Variants in EPRS1 observed in about 807,000 individuals in gnomAD.
EPRS1 encodes bifunctional glutamate/proline--tRNA ligase.
In EPRS1, 107 loss-of-function variants were observed where a neutral mutation model predicts 188.3. The ratio of observed to expected loss-of-function variants is 0.57; its 90% CI spans 0.49 to 0.67. The LOEUF (loss-of-function observed/expected upper bound fraction) is 0.67, where lower values mean the gene tolerates loss of function less well. Among genes scored for constraint, EPRS1 ranks in the 30% least tolerant of loss-of-function variants. EPRS1 has a pLI of 0.00. For synonymous variants in EPRS1, 596 were observed against 593.1 expected (o/e 1.00, Z -0.07); for missense variants, 1,577 against 1,802.2 (o/e 0.88, Z 2.26).
At chr1:219,984,313 G>A (rs377070399) in intron 20 of EPRS1, 56 bp from the exon 21 acceptor site, 1 of 1,246,714 alleles carries the variant, frequency 8.0e-7, no homozygotes. Flanking sequence ...GCTTTAGGTT[G>A]AATAAAAATA....
chr1:219,983,893 CAAAAA>C (rs397863625), intron 21 of EPRS1, among the ~76,000 whole-genome samples: 1 of 118,242 alleles, frequency 8.5e-6, no homozygotes, highest in Non-Finnish European at 1.8e-5. Context: ...ACTCCCGTCT[CAAAAA>C]AAAAAAAAAA....
rs769693803 is a variant in EPRS1, at chr1:220,040,228, T to C, written c.88A>G (p.Ile30Val). The change falls in exon 2 of 32, where the codon ATT (isoleucine) becomes GTT (valine). Residue 30 changes from isoleucine (I) to valine (V), a missense_variant. Ile to Val is a conservative substitution (Grantham distance 29, BLOSUM62 3). Coordinates refer to ENST00000366923, the MANE Select transcript of EPRS1 (RefSeq NM_004446.3). ...AVEHVKDDVS[I>V]SVEEGKENIL... ...TTCTCTTTCCCTTCTTCAACGGAAA[T>C]GCTGACATCGTCTTTCACGTGTTCT... The C allele has an allele frequency of 6.8e-6, 11 of 1,610,724 alleles. No individual in the cohort carries two copies. In the African/African-American group the frequency reaches 1.3e-4, roughly 20 times the overall value.
intron 16 of EPRS1, among the ~76,000 whole-genome samples, chr1:220,004,459 A>G (rs1039372276): frequency 6.6e-6 from 1 of 152,212 alleles, no homozygotes; most frequent in African/African-American, 2.4e-5. Flanking sequence ...GATACCTGAG[A>G]GCCTGTTTTG....
chr1:220,041,329 CAAA>C (rs767205899), intron 1 of EPRS1, among the ~76,000 whole-genome samples: 2 of 129,092 alleles, frequency 1.5e-5, no homozygotes, highest in African/African-American at 2.8e-5. Flanking sequence ...GAAACTGTCT[CAAA>C]AAAAAAAAAA....
At chr1:219,983,125 T>C in intron 22 of EPRS1, 64 bp downstream of exon 22, 2 of 1,367,758 alleles carry the variant, frequency 1.5e-6, no homozygotes, top group Admixed American at 2.2e-5. Context: ...TTGTTAAAAG[T>C]TGAAAATATA....
chr1:219,988,609 T>G lies in EPRS1; in HGVS notation c.2756A>C (p.Lys919Thr), dbSNP rs1273068703. ...ASQGEVVRKLKTEKAPKDQVD... is the reference protein window; with the variant it reads ...ASQGEVVRKLTTEKAPKDQVD... ...ACTAACCTTAGGGGCTTTTTCAGTT[T>G]TAAGTTTCCGAACTACTTCCCCTTG... Residue 919 changes from lysine to threonine, a missense_variant, in exon 19 of 32, where the codon AAA (lysine) becomes ACA (threonine). Around this residue, in one of 3 missense-constraint regions of EPRS1, gnomAD observed 1,278 missense variants for 1,457.4 expected, o/e 0.88. Coordinates refer to ENST00000366923, the MANE Select transcript of EPRS1 (RefSeq NM_004446.3). 2 of 1,612,928 alleles carry G rather than the reference T, an allele frequency of 1.2e-6. No homozygotes were observed. Among genetic ancestry groups the G allele is most frequent in the Non-Finnish European group, 1.7e-6 (2 of 1,179,042 alleles).
rs567407362 is a variant in EPRS1, at chr1:219,980,342, T to C, written c.3556-102A>G. Reference sequence around the variant, plus strand: ...AAGACTAATTGTGTGGGAAAAGCAATCTGAACAATAAAAACCTCTTTTTAT... The same window carrying C: ...AAGACTAATTGTGTGGGAAAAGCAACCTGAACAATAAAAACCTCTTTTTAT... On this transcript the variant is annotated intron_variant, in intron 25 of 31. Transcript: ENST00000366923. 4.7e-6 allele frequency: 4 copies of C among 852,082 alleles called. No homozygotes were observed. The South Asian group carries it at 5.6e-5, about 12-fold the overall frequency. The allele number at this position is 852,082 out of a possible 1,614,324, so 52.8% of individuals were successfully genotyped here.
At chr1:220,041,980 A>G (rs923549008) in intron 1 of EPRS1, among the ~76,000 whole-genome samples, 1 of 152,118 alleles carries the variant, frequency 6.6e-6, no homozygotes, top group African/African-American at 2.4e-5. Context: ...ACTCAAAGAT[A>G]GAGAACATAT....
At chr1:220,035,586 T>C (rs529935908) in intron 2 of EPRS1, among the ~76,000 whole-genome samples, 2 of 152,184 alleles carry the variant, frequency 1.3e-5, no homozygotes, top group South Asian at 4.2e-4. Context: ...CCCAGTACTT[T>C]GGGAGGCCAA....
At chr1:219,984,953 T>C (rs958659138) in intron 20 of EPRS1, among the ~76,000 whole-genome samples, 4 of 149,652 alleles carry the variant, frequency 2.7e-5, no homozygotes, top group East Asian at 2.0e-4. Context: ...GGCAGGAGAA[T>C]GAATCGCTTG....
At chr1:219,999,233 A>G (rs903127698) in intron 17 of EPRS1, among the ~76,000 whole-genome samples, 11 of 152,200 alleles carry the variant, frequency 7.2e-5, no homozygotes, top group Non-Finnish European at 1.5e-4. Context: ...AAGCATTATT[A>G]TCCTTCAGGT....
chr1:220,009,912 C>T (rs112700133), intron 13 of EPRS1, among the ~76,000 whole-genome samples: 1,937 of 151,974 alleles, frequency 0.013, 22 homozygotes, highest in Non-Finnish European at 0.019. Context: ...TGGCCGCCAA[C>T]ATGGCAAAAC....
At chr1:220,013,416 T>G (rs1304878913) in intron 12 of EPRS1, among the ~76,000 whole-genome samples, 1 of 152,208 alleles carries the variant, frequency 6.6e-6, no homozygotes, top group Non-Finnish European at 1.5e-5. Flanking sequence ...ATTTCTCCCT[T>G]CTTTTCTTTA....
At position 219,978,659 on chromosome 1, in the gene EPRS1, T is replaced by C. The variant is rs145319165; in HGVS notation, c.3970A>G (p.Ile1324Val). ...ALSEEDKEAL[I>V]AKCNDYRRRL... is the part of the protein sequence containing the mutation. ...CTTCGATAATCATTGCATTTTGCAATCAGCGCTTCTTTGTCTTCTTCAGAA... is the reference window on the plus strand; with the variant it reads ...CTTCGATAATCATTGCATTTTGCAACCAGCGCTTCTTTGTCTTCTTCAGAA... Residue 1324 changes from isoleucine to valine, a missense_variant, in exon 28 of 32, where the codon ATT becomes GTT. By Grantham distance (29) the Ile-to-Val change is conservative. Around this residue, in one of 3 missense-constraint regions of EPRS1, gnomAD observed 296 missense variants for 327.9 expected, o/e 0.90. Coordinates refer to ENST00000366923, the MANE Select transcript of EPRS1 (RefSeq NM_004446.3). 2.8e-5 allele frequency: 45 copies of C among 1,612,894 alleles called. No individual in the cohort carries two copies. The highest frequency in any genetic ancestry group is 2.1e-4 in the African/African-American group (16 of 74,880).
intron 15 of EPRS1, 142 bp from the exon 16 acceptor site, chr1:220,005,502 A>G: frequency 2.1e-6 from 1 of 481,788 alleles, no homozygotes; most frequent in Non-Finnish European, 3.6e-6. Context: ...AGGACACACA[A>G]TGAAACGGTG....
At chr1:220,023,979 C>T (rs950378415) in intron 8 of EPRS1, among the ~76,000 whole-genome samples, 1 of 152,138 alleles carries the variant, frequency 6.6e-6, no homozygotes, top group Admixed American at 6.6e-5. Flanking sequence ...TGGTGAAACC[C>T]CGTCTCTACT....
chr1:219,996,906 T>C, intron 18 of EPRS1, 77 bp downstream of exon 18: 6 of 1,403,412 alleles, frequency 4.3e-6, no homozygotes, highest in Non-Finnish European at 5.7e-6. Context: ...CGATGTTTTA[T>C]AAGAAGATGA....
chr1:219,977,970 G>C (rs1660810946), intron 28 of EPRS1, among the ~76,000 whole-genome samples: 1 of 152,058 alleles, frequency 6.6e-6, no homozygotes, highest in South Asian at 2.1e-4. Context: ...AAAAAATGTT[G>C]TAAGTTTATA....
chr1:220,025,841 C>T (rs1399831877), intron 6 of EPRS1, among the ~76,000 whole-genome samples: 1 of 151,074 alleles, frequency 6.6e-6, no homozygotes, highest in East Asian at 1.9e-4. Context: ...GTCGCCCAGG[C>T]TGGAGTGCAG....
Sources: gnomAD v4.1 joint callset for allele counts (sites outside exome capture counted in the v4.1 genomes callset) on GRCh38, gnomAD v4.1.1 for gene constraint, gnomAD v4.1.1 regional missense constraint, MANE v1.5 for transcripts, NCBI Gene and HGNC (gene_info 2026-07-23, HGNC 2026-07-21) for gene names.